Variants in CBLN2 observed in about 807,000 individuals in gnomAD.
The protein encoded by CBLN2 is cerebellin-2.
Under a neutral mutation model 15.0 loss-of-function variants are expected in CBLN2, and 7 were observed. That is an observed-to-expected ratio of 0.47 (90% CI 0.27 to 0.88). The LOEUF (loss-of-function observed/expected upper bound fraction) is 0.88, where lower values mean the gene tolerates loss of function less well. Ranked by LOEUF, CBLN2 falls within the 40% of genes least tolerant of loss-of-function variation. The pLI, the probability that CBLN2 is intolerant of heterozygous loss-of-function variation, is 0.14. For missense variants in CBLN2, 242 were observed against 304.5 expected, an observed-to-expected ratio of 0.79 and a Z score of 1.53; for synonymous variants, 149 against 135.2, an observed-to-expected ratio of 1.10 and a Z score of -0.71.
At chr18:72,618,408 G>C (rs945729025) in intron 1 of CBLN2, 20 of 592,972 alleles carry the variant, frequency 3.4e-5, no homozygotes, top group Admixed American at 2.8e-4. Flanking sequence ...GGTCTTGAGA[G>C]ATCCAAACAC....
intron 1 of CBLN2, among the ~76,000 whole-genome samples, chr18:72,550,728 A>C (rs1025080720): frequency 2.0e-5 from 3 of 151,914 alleles, no homozygotes; most frequent in African/African-American, 7.3e-5. Context: ...TAATTTTGTA[A>C]ATCCTCTATG....
intron 1 of CBLN2, among the ~76,000 whole-genome samples, chr18:72,590,870 G>C (rs1415986780): frequency 6.6e-6 from 1 of 152,116 alleles, no homozygotes; most frequent in Non-Finnish European, 1.5e-5. Context: ...ATAAAAACAA[G>C]CATGCAAACA....
At chr18:72,549,613 G>A (rs1012386881) in intron 1 of CBLN2, among the ~76,000 whole-genome samples, 9 of 150,348 alleles carry the variant, frequency 6.0e-5, no homozygotes, top group Admixed American at 2.6e-4. Context: ...AGTTGAATGT[G>A]CTATATTCTA....
intron 1 of CBLN2, among the ~76,000 whole-genome samples, chr18:72,550,763 T>C (rs915473314): frequency 6.6e-6 from 1 of 152,176 alleles, no homozygotes; most frequent in Non-Finnish European, 1.5e-5. Flanking sequence ...TTTCAGTGAA[T>C]ATTAAGTATT....
chr18:72,542,026 G>A lies in CBLN2; in HGVS notation c.135C>T (p.Ala45=). The A allele has an allele frequency of 6.3e-7, 1 of 1,595,154 alleles. No individual in the cohort carries two copies. Among genetic ancestry groups the A allele is most frequent in the Non-Finnish European group, 8.5e-7 (1 of 1,177,592 alleles). The change falls in exon 3 of 5, where the codon GCC becomes GCT. Residue 45 remains alanine, a synonymous_variant. Transcript: ENST00000269503. The part of the protein sequence containing the change: ...ALALLLLLLP[A]CCPVRAQNDT... ...CGTTCTGCGCCCGCACGGGGCAGCAGGCGGGCAGTAGCAGCAACAGCAGGG... is the reference window on the plus strand; with the variant it reads ...CGTTCTGCGCCCGCACGGGGCAGCAAGCGGGCAGTAGCAGCAACAGCAGGG...
chr18:72,616,025 A>G (rs2069659236), intron 1 of CBLN2, among the ~76,000 whole-genome samples: 1 of 152,220 alleles, frequency 6.6e-6, no homozygotes, highest in African/African-American at 2.4e-5. Flanking sequence ...TTTCCTAAGA[A>G]TTACATTTTT....
chr18:72,565,913 C>T (rs1353645082), intron 1 of CBLN2, among the ~76,000 whole-genome samples: 1 of 152,166 alleles, frequency 6.6e-6, no homozygotes, highest in Non-Finnish European at 1.5e-5. Flanking sequence ...ACAAACTATA[C>T]ATCTTATAAG....
At chr18:72,593,101 T>C (rs1217877155) in intron 1 of CBLN2, among the ~76,000 whole-genome samples, 3 of 152,186 alleles carry the variant, frequency 2.0e-5, no homozygotes, top group African/African-American at 4.8e-5. Context: ...TTTAACAATA[T>C]TGATTATTGC....
chr18:72,556,432 T>C (rs556472541), intron 1 of CBLN2, among the ~76,000 whole-genome samples: 1 of 152,070 alleles, frequency 6.6e-6, no homozygotes, highest in Non-Finnish European at 1.5e-5. Flanking sequence ...CTGTTTACTA[T>C]TATCTGAAAG....
chr18:72,622,589 C>G (rs1449585621), intron 1 of CBLN2, among the ~76,000 whole-genome samples: 1 of 152,238 alleles, frequency 6.6e-6, no homozygotes, highest in East Asian at 1.9e-4. Context: ...AATATCTGAT[C>G]TGAGATCCCT....
chr18:72,548,488 G>C (rs1407282016), upstream of CBLN2, among the ~76,000 whole-genome samples: 1 of 152,206 alleles, frequency 6.6e-6, no homozygotes, highest in African/African-American at 2.4e-5. Flanking sequence ...TATAAGGCTA[G>C]TGTTTCATAG....
chr18:72,609,918 G>C (rs748752288), intron 1 of CBLN2, among the ~76,000 whole-genome samples: 2 of 152,112 alleles, frequency 1.3e-5, no homozygotes, highest in African/African-American at 2.4e-5. Context: ...TCTGGGGATG[G>C]TATTCCCTGG....
chr18:72,560,152 G>T (rs1182828207), intron 1 of CBLN2, among the ~76,000 whole-genome samples: 1 of 152,174 alleles, frequency 6.6e-6, no homozygotes, highest in African/African-American at 2.4e-5. Flanking sequence ...TAAGCACAAG[G>T]GCTGTGTCTA....
intron 1 of CBLN2, among the ~76,000 whole-genome samples, chr18:72,574,422 C>T (rs1326872210): frequency 1.3e-5 from 2 of 152,068 alleles, no homozygotes; most frequent in East Asian, 3.9e-4. Context: ...CTTTTGCTGC[C>T]ACAGGAACAA....
At chr18:72,586,306 CT>C (rs2069442838) in intron 1 of CBLN2, among the ~76,000 whole-genome samples, 1 of 152,188 alleles carries the variant, frequency 6.6e-6, no homozygotes, top group Non-Finnish European at 1.5e-5. Context: ...CTGTGGCTGG[CT>C]TTTTCTACTC....
At chr18:72,624,992 A>G (rs1164214336) in intron 1 of CBLN2, among the ~76,000 whole-genome samples, 4 of 152,220 alleles carry the variant, frequency 2.6e-5, no homozygotes, top group African/African-American at 9.6e-5. Flanking sequence ...AAGTAAAGAA[A>G]AAAACAAAAT....
chr18:72,598,006 ATCCCAG>A (rs2069524203), intron 1 of CBLN2, among the ~76,000 whole-genome samples: 1 of 152,150 alleles, frequency 6.6e-6, no homozygotes, highest in Non-Finnish European at 1.5e-5. Context: ...GGAATTGCAG[ATCCCAG>A]CTGCCCACTT....
In CBLN2 at chr18:72,565,016, C is replaced by T. The variant is rs34982923; in HGVS notation, c.16-26244G>A. ...TAAAGTGTTGTGAGAAAAAATCTGT[C>T]GGCCAAGAATAGCACTCAGCAAAGC... On this transcript the variant is annotated intron_variant, in intron 1 of 2. Coordinates refer to the CBLN2 transcript ENST00000581073. Among the ~76,000 whole-genome samples the T allele has an allele frequency of 9.3e-4, 141 of 152,230 alleles. No individual in the cohort carries two copies. In the East Asian group the frequency reaches 0.026, roughly 28 times the overall value.
In CBLN2 at chr18:72,538,290, G is replaced by A. The variant is rs149543931; in HGVS notation, c.561C>T (p.Gly187=). The change falls in exon 5 of 5, where the codon GGC becomes GGT. Residue 187 remains glycine (G), a synonymous_variant. Transcript: ENST00000269503. ...CTTCCCTTTCCATGAGCAGCAGCAC[G>A]CCATTGCTAGCAGCTTCTCTGGTGA... is the stretch of plus-strand genomic sequence containing the variant. ...QDVTREAASN[G]VLLLMEREDK... The A allele has an allele frequency of 3.2e-5, 51 of 1,613,976 alleles. No individual in the cohort carries two copies. The highest frequency in any genetic ancestry group is 1.8e-4 in the East Asian group (8 of 44,878).
Sources: gnomAD v4.1 joint callset for allele counts (sites outside exome capture counted in the v4.1 genomes callset) on GRCh38, gnomAD v4.1.1 for gene constraint, MANE v1.5 for transcripts, NCBI Gene and HGNC (gene_info 2026-07-23, HGNC 2026-07-21) for gene names.